Variants in FKBP5 observed in about 807,000 individuals in gnomAD.
FKBP5 encodes the protein FKBP prolyl isomerase 5, also known as peptidyl-prolyl cis-trans isomerase FKBP5.
FKBP5 carries 23 observed loss-of-function variants against 50.5 expected under a neutral mutation model. That is an observed-to-expected ratio of 0.46 (90% CI 0.33 to 0.65). The LOEUF (loss-of-function observed/expected upper bound fraction) is 0.65. Ranked by LOEUF, FKBP5 falls within the 30% of genes least tolerant of loss-of-function variation. FKBP5 has a pLI of 0.02. For missense variants in FKBP5, 411 were observed against 553.1 expected, an observed-to-expected ratio of 0.74 and a Z score of 2.58; for synonymous variants, 176 against 190.6, an observed-to-expected ratio of 0.92 and a Z score of 0.63.
At chr6:35,714,857 G>T (rs532537676) in intron 2 of FKBP5, among the ~76,000 whole-genome samples, 1 of 151,988 alleles carries the variant, frequency 6.6e-6, no homozygotes, top group East Asian at 1.9e-4. Context: ...AATAAAATAG[G>T]TTTAGCGTGG....
At chr6:35,710,954 A>T (rs1766400876) in intron 2 of FKBP5, among the ~76,000 whole-genome samples, 1 of 152,214 alleles carries the variant, frequency 6.6e-6, no homozygotes, top group African/African-American at 2.4e-5. Flanking sequence ...AATCTAATCT[A>T]TACTGGTAGA....
intron 2 of FKBP5, among the ~76,000 whole-genome samples, chr6:35,698,823 G>T (rs559199913): frequency 4.9e-4 from 75 of 152,200 alleles, no homozygotes; most frequent in African/African-American, 1.6e-3. Flanking sequence ...GGTGCAACAC[G>T]TTTTTAAACA....
intron 1 of FKBP5, among the ~76,000 whole-genome samples, chr6:35,673,051 G>A (rs1765432176): frequency 6.6e-6 from 1 of 152,148 alleles, no homozygotes; most frequent in South Asian, 2.1e-4. Flanking sequence ...GTGAATTGGT[G>A]ATTGGGAATT....
intron 2 of FKBP5, among the ~76,000 whole-genome samples, chr6:35,711,162 G>GA (rs1327266818): frequency 6.6e-6 from 1 of 151,134 alleles, no homozygotes; most frequent in Admixed American, 6.6e-5. Context: ...TCTACAAAAA[G>GA]AAAAAAAAGC....
At chr6:35,606,412 C>T (rs1399676046) in intron 5 of FKBP5, among the ~76,000 whole-genome samples, 1 of 152,024 alleles carries the variant, frequency 6.6e-6, no homozygotes, top group Non-Finnish European at 1.5e-5. Context: ...AATCCCAGCA[C>T]TTTGGGAGGC....
chr6:35,703,907 T>C (rs1766234932), intron 2 of FKBP5, among the ~76,000 whole-genome samples: 1 of 152,200 alleles, frequency 6.6e-6, no homozygotes, highest in African/African-American at 2.4e-5. Context: ...TGTGCTAACA[T>C]TAAGTTCTCA....
In FKBP5 at chr6:35,589,126, A is replaced by AT. The variant is rs1421305008; in HGVS notation, c.756+2003dup. Among the ~76,000 whole-genome samples the AT allele has an allele frequency of 4.2e-3, 524 of 125,504 alleles. 5 individuals are homozygous for AT. The highest frequency in any genetic ancestry group is 0.015 in the African/African-American group (461 of 31,770). The allele number at this position is 125,504 out of a possible 152,430, so 82.3% of individuals were successfully genotyped here. On this transcript the variant is annotated intron_variant, in intron 7 of 10. Transcript: ENST00000357266. ...TATATATTTTTATATATATATATAT[A>AT]TATTTTTTTTTTTTTCCTCTGAGAC...
intron 2 of FKBP5, among the ~76,000 whole-genome samples, chr6:35,703,846 G>A (rs1035452949): frequency 2.0e-5 from 3 of 152,196 alleles, no homozygotes; most frequent in African/African-American, 7.2e-5. Context: ...GGGGTTGTAA[G>A]GTCAAGTTCC....
chr6:35,699,378 G>A (rs898460782), intron 2 of FKBP5, among the ~76,000 whole-genome samples: 20 of 152,116 alleles, frequency 1.3e-4, no homozygotes, highest in African/African-American at 4.3e-4. Context: ...GTTAAAACAC[G>A]TTACAGCCCA....
At chr6:35,657,307 C>T (rs931553273) in intron 1 of FKBP5, among the ~76,000 whole-genome samples, 3 of 152,162 alleles carry the variant, frequency 2.0e-5, no homozygotes, top group African/African-American at 7.2e-5. Context: ...ATCACAAGTC[C>T]AGAATGGGTC....
Position 35,637,013 on chromosome 6 carries a change from C to A in FKBP5, c.250+1G>T. ...CACAACTCAAAAAAATACCCTCTTA[C>A]CTTTGCCAAGACTAAAGACAAATGG... On this transcript the variant is annotated splice_donor_variant, in intron 3 of 10. Coordinates refer to ENST00000357266, the MANE Select transcript of FKBP5 (RefSeq NM_004117.4). LOFTEE classifies it high-confidence loss of function. 6.3e-7 allele frequency: 1 copy of A among 1,592,602 alleles called. No homozygotes were observed. Among genetic ancestry groups the A allele is most frequent in the Non-Finnish European group, 8.5e-7 (1 of 1,175,002 alleles).
chr6:35,625,286 C>T (rs538642590), intron 3 of FKBP5, among the ~76,000 whole-genome samples: 13 of 151,972 alleles, frequency 8.6e-5, no homozygotes, highest in Non-Finnish European at 1.6e-4. Context: ...GGTTTCACCA[C>T]GTTGGTCAGG....
chr6:35,630,113 A>G (rs74636231), intron 3 of FKBP5, among the ~76,000 whole-genome samples: 4 of 151,616 alleles, frequency 2.6e-5, no homozygotes, highest in East Asian at 1.9e-4. Context: ...TCCAGCCCCA[A>G]TAACAGAGCA....
chr6:35,642,896 CT>C (rs1764535747), intron 1 of FKBP5, 53 bp from the exon 2 acceptor site: 3 of 1,327,250 alleles, frequency 2.3e-6, no homozygotes, highest in Admixed American at 3.6e-5. Context: ...CTTTATGAAT[CT>C]TGAATGTCCC....
intron 2 of FKBP5, among the ~76,000 whole-genome samples, chr6:35,712,993 C>A (rs1309694512): frequency 2.8e-5 from 4 of 143,534 alleles, no homozygotes; most frequent in Non-Finnish European, 6.0e-5. Context: ...GGGAGGATCA[C>A]TTGAGCCCTG....
intron 3 of FKBP5, among the ~76,000 whole-genome samples, chr6:35,630,734 T>G (rs959520996): frequency 6.6e-6 from 1 of 152,198 alleles, no homozygotes; most frequent in African/African-American, 2.4e-5. Context: ...TTTACCGAGC[T>G]TCTCTGTACC....
At chr6:35,672,807 G>A (rs111756707) in intron 1 of FKBP5, among the ~76,000 whole-genome samples, 1 of 151,818 alleles carries the variant, frequency 6.6e-6, no homozygotes, top group East Asian at 1.9e-4. Flanking sequence ...GCAGGCGCCT[G>A]TAGCCCAAGC....
upstream of FKBP5, among the ~76,000 whole-genome samples, chr6:35,689,390 T>C (rs1173658139): frequency 1.3e-5 from 2 of 152,102 alleles, no homozygotes; most frequent in African/African-American, 2.4e-5. Context: ...CCATTAAGTC[T>C]AAGATGCCCA....
At position 35,717,887 on chromosome 6, in the gene FKBP5, G is replaced by A. The variant is rs557847225; in HGVS notation, c.-20+2441C>T. Among the ~76,000 whole-genome samples, 8 of 152,322 alleles carry A rather than the reference G, an allele frequency of 5.3e-5. No individual in the cohort carries two copies. In the East Asian group the frequency reaches 1.2e-3, roughly 22 times the overall value. The stretch of plus-strand genomic sequence containing the variant: ...TGGCCAGCAGAAAGCACAATGTCTT[G>A]GAGGCCCAGCAGAAGGAAGACATCA... On this transcript the variant is annotated intron_variant, in intron 2 of 11. Coordinates refer to the FKBP5 transcript ENST00000536438.
Sources: gnomAD v4.1 joint callset for allele counts (sites outside exome capture counted in the v4.1 genomes callset) on GRCh38, gnomAD v4.1.1 for gene constraint, MANE v1.5 for transcripts, NCBI Gene and HGNC (gene_info 2026-07-23, HGNC 2026-07-21) for gene names.